The following CMSS1 variants were observed in gnomAD, a reference collection of about 807,000 sequenced individuals.
CMSS1 encodes the protein cms1 ribosomal small subunit homolog.
Under a neutral mutation model 43.5 loss-of-function variants are expected in CMSS1, and 33 were observed. The ratio of observed to expected loss-of-function variants is 0.76; its 90% CI spans 0.57 to 1.01. The LOEUF (loss-of-function observed/expected upper bound fraction) is 1.01. CMSS1 is among the 50% of genes least tolerant of loss of function. CMSS1 has a pLI of 0.00. For synonymous variants in CMSS1, 115 were observed against 117.2 expected, an observed-to-expected ratio of 0.98 and a Z score of 0.12; for missense variants, 313 against 326.4, an observed-to-expected ratio of 0.96 and a Z score of 0.32.
chr3:99,876,310 A>G (rs1705518116), intron 1 of CMSS1: 1 of 587,342 alleles, frequency 1.7e-6, no homozygotes, highest in Non-Finnish European at 2.1e-6. Flanking sequence ...GCGCAGCCAC[A>G]CACCCCAGCT....
intron 1 of CMSS1, among the ~76,000 whole-genome samples, chr3:100,117,825 G>C (rs1365304513): frequency 2.7e-5 from 2 of 75,140 alleles, no homozygotes; most frequent in East Asian, 4.3e-4. Flanking sequence ...ATAAACTGCA[G>C]TATATATATA....
chr3:99,954,683 A>G (rs1046759716), intron 1 of CMSS1, among the ~76,000 whole-genome samples: 8 of 151,920 alleles, frequency 5.3e-5, no homozygotes, highest in Admixed American at 3.3e-4. Flanking sequence ...AAAATTAGCC[A>G]AGCATGGTGG....
intron 8 of CMSS1, among the ~76,000 whole-genome samples, chr3:100,173,210 T>A (rs965212465): frequency 3.3e-5 from 5 of 152,178 alleles, no homozygotes; most frequent in African/African-American, 1.2e-4. Flanking sequence ...CCAGGGTTAG[T>A]TGAACCCACT....
intron 1 of CMSS1, chr3:100,109,911 C>CG (rs1182211569): frequency 4.9e-4 from 60 of 122,672 alleles, no homozygotes; most frequent in African/African-American, 1.7e-3. Context: ...TGACCCCCCC[C>CG]CCCCAGCACC....
intron 1 of CMSS1, among the ~76,000 whole-genome samples, chr3:100,013,933 A>AC (rs1391725980): frequency 6.6e-6 from 1 of 152,046 alleles, no homozygotes; most frequent in Non-Finnish European, 1.5e-5. Context: ...GAAACTGTGT[A>AC]CCCTTTGAAC....
intron 1 of CMSS1, among the ~76,000 whole-genome samples, chr3:99,913,072 G>A (rs1288473906): frequency 2.6e-5 from 4 of 152,080 alleles, no homozygotes; most frequent in East Asian, 1.9e-4. Flanking sequence ...TTTCCACCAC[G>A]TGAGGAAACA....
At chr3:100,173,906 T>G (rs2067129010) in intron 8 of CMSS1, among the ~76,000 whole-genome samples, 1 of 152,190 alleles carries the variant, frequency 6.6e-6, no homozygotes, top group Admixed American at 6.5e-5. Flanking sequence ...TCAGCCTGTT[T>G]CTTTGTGCGA....
At chr3:99,963,920 C>A (rs1708568314) in intron 1 of CMSS1, among the ~76,000 whole-genome samples, 1 of 152,056 alleles carries the variant, frequency 6.6e-6, no homozygotes, top group Non-Finnish European at 1.5e-5. Flanking sequence ...CCAGCCACAT[C>A]CATTTGTTAA....
rs1321185364 is a variant in CMSS1 at position 100,021,960 on chromosome 3, T to TGTGTGTGAGA, written c.65-125012_65-125011insTGTGTGAGAG. ...GTGTGTGTGTGTGTGTGTGTGTGTG[T>TGTGTGTGAGA]GAGAGAGAGAGAGAGAGAGAGAGAG... On this transcript the variant is annotated intron_variant, in intron 1 of 9. Transcript: ENST00000421999. Among the ~76,000 whole-genome samples, 309 of 93,276 alleles carry TGTGTGTGAGA rather than the reference T, an allele frequency of 3.3e-3. 1 individual carries two copies. The highest frequency in any genetic ancestry group is 0.011 in the South Asian group (25 of 2,286). 61.2% of individuals were successfully genotyped at this position (93,276 alleles called of 152,430 possible).
chr3:100,090,022 C>G (rs1170478935), intron 1 of CMSS1, among the ~76,000 whole-genome samples: 1 of 152,236 alleles, frequency 6.6e-6, no homozygotes, highest in African/African-American at 2.4e-5. Context: ...GCTAGCTTTT[C>G]TCCTGATAGG....
chr3:99,872,269 CTGTGTGTG>C (rs55727823), intron 1 of CMSS1, among the ~76,000 whole-genome samples: 1,573 of 110,826 alleles, frequency 0.014, 22 homozygotes, highest in African/African-American at 0.035. Context: ...TGTGCCAGGA[CTGTGTGTG>C]TGTGTGTGTG....
chr3:99,992,290 G>T (rs1709547021), intron 1 of CMSS1, among the ~76,000 whole-genome samples: 1 of 152,040 alleles, frequency 6.6e-6, no homozygotes, highest in Admixed American at 6.6e-5. Flanking sequence ...CCCATCAACA[G>T]TATATAAGTG....
chr3:100,171,979 C>T, intron 7 of CMSS1, 80 bp downstream of exon 7: 1 of 1,033,366 alleles, frequency 9.7e-7, no homozygotes, highest in Non-Finnish European at 1.5e-6. Context: ...TCCTAATCTC[C>T]TTAGCACATA....
At chr3:99,844,930 C>A (rs907335228) in intron 1 of CMSS1, among the ~76,000 whole-genome samples, 2 of 152,136 alleles carry the variant, frequency 1.3e-5, no homozygotes, top group Admixed American at 1.3e-4. Flanking sequence ...CCTGAGGCCT[C>A]CCCCAGCCAT....
At chr3:99,847,104 C>T (rs539028903) in intron 1 of CMSS1, among the ~76,000 whole-genome samples, 2 of 152,180 alleles carry the variant, frequency 1.3e-5, no homozygotes, top group African/African-American at 4.8e-5. Context: ...GAAATTCACA[C>T]TATATTACTT....
At chr3:99,830,442 G>C (rs1184793906) in intron 1 of CMSS1, 1 of 454,696 alleles carries the variant, frequency 2.2e-6, no homozygotes, top group East Asian at 7.0e-5. Flanking sequence ...GTGGAGGAAG[G>C]TGTTGGAGGT....
intron 1 of CMSS1, among the ~76,000 whole-genome samples, chr3:99,864,964 T>A (rs1338766596): frequency 6.6e-6 from 1 of 152,212 alleles, no homozygotes; most frequent in African/African-American, 2.4e-5. Context: ...CTATTTTGTT[T>A]AATACTATAT....
chr3:99,983,446 GTATATATATATA>G (rs1442427209), intron 1 of CMSS1, among the ~76,000 whole-genome samples: 40,412 of 87,798 alleles, frequency 0.46, 10,975 homozygotes, highest in Middle Eastern at 0.6. Flanking sequence ...ATATATGTAT[GTATATATATATA>G]TGTGTGTATA....
At chr3:100,021,960 T>TGTGTGTGAGAGAGAGA (rs1321185364) in intron 1 of CMSS1, among the ~76,000 whole-genome samples, 2 of 93,332 alleles carry the variant, frequency 2.1e-5, no homozygotes, top group South Asian at 8.7e-4. Flanking sequence ...TGTGTGTGTG[T>TGTGTGTGAGAGAGAGA]GAGAGAGAGA....
Sources: gnomAD v4.1 joint callset for allele counts (sites outside exome capture counted in the v4.1 genomes callset) on GRCh38, gnomAD v4.1.1 for gene constraint, MANE v1.5 for transcripts, NCBI Gene and HGNC (gene_info 2026-07-23, HGNC 2026-07-21) for gene names.